Variants in CSMD1 observed in about 807,000 individuals in gnomAD.
CSMD1 encodes CUB and sushi domain-containing protein 1.
Under a neutral mutation model 417.5 loss-of-function variants are expected in CSMD1, and 213 were observed. The ratio of observed to expected loss-of-function variants is 0.51; its 90% CI spans 0.46 to 0.57. The LOEUF (loss-of-function observed/expected upper bound fraction) is 0.57, where lower values mean the gene tolerates loss of function less well. Ranked by LOEUF, CSMD1 falls within the 20% of genes least tolerant of loss-of-function variation. The pLI is 0.00. For missense variants in CSMD1, 6,923 were observed against 4,529.7 expected, an observed-to-expected ratio of 1.53 and a Z score of -15.17; for synonymous variants, 2,862 against 1,736.8, an observed-to-expected ratio of 1.65 and a Z score of -16.11.
intron 25 of CSMD1, among the ~76,000 whole-genome samples, chr8:3,288,446 G>A (rs896930108): frequency 1.4e-5 from 2 of 146,874 alleles, no homozygotes; most frequent in Non-Finnish European, 2.9e-5. Context: ...TTTTTGGTTG[G>A]TAAGCTACTG....
At chr8:3,515,856 G>C (rs1797261078) in intron 10 of CSMD1, among the ~76,000 whole-genome samples, 1 of 152,230 alleles carries the variant, frequency 6.6e-6, no homozygotes. Context: ...CTGGACTTCA[G>C]CGTGGGGAAA....
At chr8:4,218,276 A>G (rs1800805789) in intron 3 of CSMD1, among the ~76,000 whole-genome samples, 1 of 152,190 alleles carries the variant, frequency 6.6e-6, no homozygotes, top group Admixed American at 6.5e-5. Context: ...GACAATAGCA[A>G]TACATCCAAG....
intron 3 of CSMD1, among the ~76,000 whole-genome samples, chr8:4,296,427 G>C (rs1235407478): frequency 2.0e-5 from 3 of 152,104 alleles, no homozygotes; most frequent in African/African-American, 7.2e-5. Context: ...ACAAGAGTGT[G>C]AGATAGCATG....
intron 7 of CSMD1, among the ~76,000 whole-genome samples, chr8:3,629,474 G>A (rs904049205): frequency 9.9e-5 from 15 of 152,072 alleles, no homozygotes; most frequent in Admixed American, 4.6e-4. Flanking sequence ...TTAATGACAT[G>A]GAATACACAA....
intron 27 of CSMD1, among the ~76,000 whole-genome samples, chr8:3,227,911 G>C (rs1354183230): frequency 2.0e-5 from 3 of 151,930 alleles, no homozygotes; most frequent in African/African-American, 7.3e-5. Flanking sequence ...GGGATCACAG[G>C]CATGCACCAC....
intron 30 of CSMD1, among the ~76,000 whole-genome samples, chr8:3,206,068 TTTTC>T (rs1251361600): frequency 6.6e-6 from 1 of 152,184 alleles, no homozygotes; most frequent in Non-Finnish European, 1.5e-5. Flanking sequence ...TTTTAGGGGA[TTTTC>T]TTTGTTTTAA....
intron 3 of CSMD1, among the ~76,000 whole-genome samples, chr8:4,043,861 A>T (rs767559731): frequency 3.3e-5 from 5 of 152,222 alleles, no homozygotes; most frequent in Non-Finnish European, 5.9e-5. Flanking sequence ...ATGATGAGAC[A>T]CAGAGAGGCT....
chr8:4,552,950 G>A (rs73182990), intron 2 of CSMD1, among the ~76,000 whole-genome samples: 16,976 of 152,118 alleles, frequency 0.11, 1,160 homozygotes, highest in Non-Finnish European at 0.15. Context: ...CTTCCCTCCC[G>A]TCTCTTTCTG....
intron 1 of CSMD1, among the ~76,000 whole-genome samples, chr8:4,855,926 A>G (rs1161340485): frequency 9.7e-4 from 145 of 149,314 alleles, no homozygotes; most frequent in African/African-American, 3.5e-3. Context: ...CCACAAAGAT[A>G]CTCCTCGAGA....
intron 36 of CSMD1, among the ~76,000 whole-genome samples, chr8:3,186,146 CT>C (rs1195360844): frequency 6.6e-6 from 1 of 151,554 alleles, no homozygotes; most frequent in Non-Finnish European, 1.5e-5. Context: ...GTGTTGGCAT[CT>C]GTGTAGATTT....
chr8:3,654,691 G>A (rs192874871), intron 7 of CSMD1, among the ~76,000 whole-genome samples: 2 of 152,306 alleles, frequency 1.3e-5, no homozygotes, highest in Admixed American at 6.5e-5. Context: ...TGAGATTCGG[G>A]TCAGAGCCAG....
intron 2 of CSMD1, among the ~76,000 whole-genome samples, chr8:4,454,998 C>T (rs1411795377): frequency 6.6e-6 from 1 of 152,052 alleles, no homozygotes; most frequent in Non-Finnish European, 1.5e-5. Flanking sequence ...AGAAGGGCTC[C>T]TGTGTGTTGC....
chr8:4,223,148 G>A (rs1372811901), intron 3 of CSMD1, among the ~76,000 whole-genome samples: 2 of 151,960 alleles, frequency 1.3e-5, no homozygotes, highest in Non-Finnish European at 2.9e-5. Context: ...GGGAAAGGAG[G>A]GCAACGCCAC....
chr8:3,995,291 T>C (rs575913978), intron 5 of CSMD1, among the ~76,000 whole-genome samples: 27 of 152,338 alleles, frequency 1.8e-4, no homozygotes, highest in Admixed American at 1.4e-3. Flanking sequence ...CATTGAAAGC[T>C]GAGAGTTCCA....
intron 7 of CSMD1, among the ~76,000 whole-genome samples, chr8:3,647,361 G>A (rs962215639): frequency 1.2e-4 from 16 of 138,874 alleles, no homozygotes; most frequent in East Asian, 4.2e-4. Context: ...GAAATATCAC[G>A]TAAAGTGAAA....
At chr8:3,021,432 T>C (rs532493604) in intron 51 of CSMD1, among the ~76,000 whole-genome samples, 53 of 152,360 alleles carry the variant, frequency 3.5e-4, no homozygotes, top group African/African-American at 1.3e-3. Context: ...CTACTAAAAA[T>C]AGGCTTTGTC....
At position 3,689,132 on chromosome 8, in the gene CSMD1, T is replaced by C. The variant is rs571191444; in HGVS notation, c.1009+19282A>G. Among the ~76,000 whole-genome samples the C allele has an allele frequency of 1.1e-4, 17 of 152,254 alleles. No homozygotes were observed. The East Asian group carries it at 2.7e-3, about 24-fold the overall frequency. ...ACAGCAACCAAACAACTCCATGCTTTGGTTTAAGTTGTGAGACAACGCGCT... is the reference window on the plus strand; with the variant it reads ...ACAGCAACCAAACAACTCCATGCTTCGGTTTAAGTTGTGAGACAACGCGCT... On this transcript the variant is annotated intron_variant, in intron 7 of 69. Transcript: ENST00000635120.
chr8:4,184,045 CTGTTATT>C (rs1563237805), intron 3 of CSMD1, among the ~76,000 whole-genome samples: 3 of 152,170 alleles, frequency 2.0e-5, no homozygotes, highest in African/African-American at 7.2e-5. Context: ...ATGGCAAATT[CTGTTATT>C]ATCTACCCTG....
chr8:3,245,220 C>A (rs1799798689), intron 26 of CSMD1, among the ~76,000 whole-genome samples: 1 of 152,276 alleles, frequency 6.6e-6, no homozygotes, highest in East Asian at 1.9e-4. Context: ...TAGTAGTTGT[C>A]CTTGAGTCCT....
Sources: gnomAD v4.1 joint callset for allele counts (sites outside exome capture counted in the v4.1 genomes callset) on GRCh38, gnomAD v4.1.1 for gene constraint, MANE v1.5 for transcripts, NCBI Gene and HGNC (gene_info 2026-07-23, HGNC 2026-07-21) for gene names.